C2CD5: variants seen among roughly 807,000 people sequenced by gnomAD.
C2CD5 encodes C2 domain-containing protein 5.
A neutral mutation model predicts 130.3 loss-of-function variants in C2CD5; 109 were observed. The ratio of observed to expected loss-of-function variants is 0.84; its 90% CI spans 0.72 to 0.98. The LOEUF (loss-of-function observed/expected upper bound fraction) is 0.98, where lower values mean the gene tolerates loss of function less well. Among genes scored for constraint, C2CD5 ranks in the 50% least tolerant of loss-of-function variants. The pLI, the probability that C2CD5 is intolerant of heterozygous loss-of-function variation, is 0.00. For synonymous variants in C2CD5, 454 were observed against 429.2 expected (o/e 1.06, Z -0.71); for missense variants, 996 against 1,261.8 (o/e 0.79, Z 3.19).
intron 15 of C2CD5, among the ~76,000 whole-genome samples, chr12:22,475,281 G>C (rs1160592340): frequency 1.3e-5 from 2 of 152,092 alleles, no homozygotes; most frequent in East Asian, 3.9e-4. Context: ...TTCCTAGAAA[G>C]AATTCTAATC....
chr12:22,497,093 A>G (rs1211215254), intron 10 of C2CD5, among the ~76,000 whole-genome samples: 4 of 152,160 alleles, frequency 2.6e-5, no homozygotes, highest in Admixed American at 2.6e-4. Context: ...GCTATCATAC[A>G]CTTGGCAATT....
At position 22,537,286 on chromosome 12, in the gene C2CD5, G is replaced by A. The variant is rs983000455; in HGVS notation, c.91-1942C>T. On this transcript the variant is annotated intron_variant, in intron 2 of 26. Coordinates refer to ENST00000446597, the MANE Select transcript of C2CD5 (RefSeq NM_001286176.2). ...AGTCATCAGCCAGGCAGGGTGGTGC[G>A]TGCCTGGAGTCCCTGCTACTCAAGA... 7.9e-5 allele frequency among the ~76,000 whole-genome samples: 12 copies of A among 152,270 alleles called. No homozygotes were observed. In the East Asian group the frequency reaches 1.3e-3, roughly 17 times the overall value.
At chr12:22,517,923 T>G (rs1949906257) in intron 8 of C2CD5, 63 bp downstream of exon 8, 1 of 1,358,536 alleles carries the variant, frequency 7.4e-7, no homozygotes, top group Non-Finnish European at 1.0e-6. Context: ...GATGGAAAGC[T>G]AATAAGAAAT....
At chr12:22,512,380 C>T (rs1449350223) in intron 9 of C2CD5, among the ~76,000 whole-genome samples, 1 of 152,048 alleles carries the variant, frequency 6.6e-6, no homozygotes, top group African/African-American at 2.4e-5. Flanking sequence ...TCTGTAAATG[C>T]TTATAGCTTC....
At chr12:22,520,543 T>C (rs1028657222) in intron 7 of C2CD5, among the ~76,000 whole-genome samples, 2 of 152,172 alleles carry the variant, frequency 1.3e-5, no homozygotes, top group Non-Finnish European at 2.9e-5. Context: ...AAACAATTCA[T>C]TGGTGATCTA....
In C2CD5 at chr12:22,449,669, A is replaced by C. The variant is rs1938089169; in HGVS notation, c.*91T>G. 1 of 1,165,916 alleles carries C rather than the reference A, an allele frequency of 8.6e-7. No individual in the cohort carries two copies. 72.2% of individuals were successfully genotyped at this position (1,165,916 alleles called of 1,614,324 possible). A position where few individuals can be genotyped will look rare whatever the true frequency, so the allele number is the denominator to read the frequency against. ...ACTCAATTCTTCCTTATTTATCTCA[A>C]GTTCAATTTTAAGTCTAAGAAGATA... is the stretch of plus-strand genomic sequence containing the variant. On this transcript the variant is annotated 3_prime_UTR_variant, in exon 27 of 27. Coordinates refer to ENST00000446597, the MANE Select transcript of C2CD5 (RefSeq NM_001286176.2).
At chr12:22,478,952 A>AAAAAC (rs1944289732) in intron 14 of C2CD5, among the ~76,000 whole-genome samples, 1 of 152,218 alleles carries the variant, frequency 6.6e-6, no homozygotes, top group Non-Finnish European at 1.5e-5. Context: ...AAAGGCACAC[A>AAAAAC]AAAACAACTG....
intron 6 of C2CD5, 141 bp downstream of exon 6, chr12:22,524,331 G>C: frequency 4.5e-6 from 3 of 662,516 alleles, no homozygotes; most frequent in Non-Finnish European, 7.7e-6. Flanking sequence ...AGTGTGTTCA[G>C]GAAGACTGGC....
chr12:22,497,467 AATTT>A (rs1255326017), intron 10 of C2CD5: 1 of 180,980 alleles, frequency 5.5e-6, no homozygotes, highest in Admixed American at 6.5e-5. Flanking sequence ...TATTCAATCT[AATTT>A]ATAAATCAAC....
At chr12:22,497,799 T>C (rs184430791) in intron 10 of C2CD5, among the ~76,000 whole-genome samples, 15 of 152,040 alleles carry the variant, frequency 9.9e-5, no homozygotes, top group Non-Finnish European at 2.1e-4. Flanking sequence ...TAAGATATAA[T>C]CCATGTTTGA....
chr12:22,508,136 T>TTGATTCCAAGTTTGTGTACTGAGG (rs1324430092), intron 9 of C2CD5, among the ~76,000 whole-genome samples: 5 of 152,188 alleles, frequency 3.3e-5, no homozygotes, highest in African/African-American at 7.2e-5. Flanking sequence ...TGGAATCATT[T>TTGATTCCAAGTTTGTGTACTGAGG]TGCACAAAAG....
At chr12:22,466,272 A>C (rs958495306) in intron 22 of C2CD5, among the ~76,000 whole-genome samples, 6 of 151,934 alleles carry the variant, frequency 3.9e-5, no homozygotes, top group African/African-American at 1.5e-4. Context: ...TAAAAACATG[A>C]AATATACACT....
At chr12:22,520,455 G>T (rs184224841) in intron 7 of C2CD5, among the ~76,000 whole-genome samples, 1 of 152,164 alleles carries the variant, frequency 6.6e-6, no homozygotes, top group East Asian at 1.9e-4. Flanking sequence ...AAATATTACT[G>T]ATTTTGCAAT....
In C2CD5 at chr12:22,470,866, A is replaced by T. The variant is rs747448293; in HGVS notation, c.2404T>A (p.Leu802Ile). Residue 802 changes from leucine to isoleucine, a missense_variant, in exon 21 of 27, where the codon TTA (leucine) becomes ATA (isoleucine). Transcript: ENST00000446597. ...VAITFDKNQA[L>I]QTTKTPVEKS... Reference sequence around the variant, plus strand: ...TCAACAGGGGTTTTTGTGGTTTGTAAAGCCTGATTTTTGTCAAAAGTGATT... The same window carrying T: ...TCAACAGGGGTTTTTGTGGTTTGTATAGCCTGATTTTTGTCAAAAGTGATT... 6.2e-7 allele frequency: 1 copy of T among 1,612,788 alleles called. No homozygotes were observed.
chr12:22,459,416 A>G, intron 23 of C2CD5, 76 bp downstream of exon 23: 3 of 930,508 alleles, frequency 3.2e-6, no homozygotes, highest in Non-Finnish European at 5.0e-6. Context: ...ATTTTCTTCA[A>G]TGTCTATAAT....
At chr12:22,508,354 G>A (rs1184220050) in intron 9 of C2CD5, among the ~76,000 whole-genome samples, 1 of 152,168 alleles carries the variant, frequency 6.6e-6, no homozygotes, top group East Asian at 1.9e-4. Flanking sequence ...AAATAAGGAA[G>A]AGGATGGAAG....
At position 22,469,699 on chromosome 12, in the gene C2CD5, C is replaced by G. The variant is rs1290666769; in HGVS notation, c.2533+10G>C. 3.8e-6 allele frequency: 6 copies of G among 1,569,430 alleles called. No individual in the cohort carries two copies. Among genetic ancestry groups the G allele is most frequent in the African/African-American group, 1.4e-5 (1 of 72,520 alleles). On this transcript the variant is annotated intron_variant, in intron 22 of 26. Coordinates refer to ENST00000446597, the MANE Select transcript of C2CD5 (RefSeq NM_001286176.2). ...GGATTTGTGTTTGCTTTTTCCCTCA[C>G]TTAACCAACCTTTAGCTGGTGGAAA...
intron 4 of C2CD5, among the ~76,000 whole-genome samples, chr12:22,526,546 T>C (rs960025447): frequency 6.6e-6 from 1 of 152,178 alleles, no homozygotes; most frequent in Non-Finnish European, 1.5e-5. Context: ...AGTTTTATTC[T>C]TTTCAATGAA....
intron 2 of C2CD5, among the ~76,000 whole-genome samples, chr12:22,537,839 T>C (rs886737796): frequency 2.0e-5 from 3 of 152,242 alleles, no homozygotes; most frequent in Non-Finnish European, 4.4e-5. Context: ...GATGACAATG[T>C]AGTTTAGCCA....
Sources: gnomAD v4.1 joint callset for allele counts (sites outside exome capture counted in the v4.1 genomes callset) on GRCh38, gnomAD v4.1.1 for gene constraint, MANE v1.5 for transcripts, NCBI Gene and HGNC (gene_info 2026-07-23, HGNC 2026-07-21) for gene names.